The following LBR variants were observed in gnomAD, a reference collection of about 807,000 sequenced individuals.
The protein encoded by LBR is delta(14)-sterol reductase LBR.
Under a neutral mutation model 74.3 loss-of-function variants are expected in LBR, and 28 were observed. That is an observed-to-expected ratio of 0.38 (90% CI 0.28 to 0.52). The LOEUF (loss-of-function observed/expected upper bound fraction) is 0.52. LBR is among the 20% of genes least tolerant of loss of function. LBR has a pLI of 0.89. For synonymous variants in LBR, 228 were observed against 269.3 expected (o/e 0.85, Z 1.50); for missense variants, 717 against 760.3 (o/e 0.94, Z 0.67).
At chr1:225,405,691 T>C (rs1485521219) in intron 11 of LBR, among the ~76,000 whole-genome samples, 2 of 152,094 alleles carry the variant, frequency 1.3e-5, no homozygotes, top group Non-Finnish European at 2.9e-5. Flanking sequence ...CAAATAAATT[T>C]CATGACAAAT....
At chr1:225,415,612 C>T (rs937285380) in intron 6 of LBR, among the ~76,000 whole-genome samples, 6 of 152,208 alleles carry the variant, frequency 3.9e-5, no homozygotes, top group African/African-American at 1.4e-4. Context: ...CCCTGCCACA[C>T]TCCTGTGTAC....
intron 6 of LBR, among the ~76,000 whole-genome samples, chr1:225,416,104 G>C (rs2096116510): frequency 6.6e-6 from 1 of 151,894 alleles, no homozygotes; most frequent in African/African-American, 2.4e-5. Flanking sequence ...AGCTACTCGG[G>C]AGGCTGAAGT....
At chr1:225,408,566 A>G (rs1431770163) in intron 10 of LBR, among the ~76,000 whole-genome samples, 2 of 152,258 alleles carry the variant, frequency 1.3e-5, no homozygotes, top group Non-Finnish European at 2.9e-5. Flanking sequence ...GGTATAGCAC[A>G]TTCTTGAATA....
At position 225,419,463 on chromosome 1, in the gene LBR, A is replaced by G. The variant is rs758617872; in HGVS notation, c.451-11T>C. ...CAAACTGAATTTTTCCTAAATGAAAAATTTAAAAATTAAATATCTGCAGTG... is the reference window on the plus strand; with the variant it reads ...CAAACTGAATTTTTCCTAAATGAAAGATTTAAAAATTAAATATCTGCAGTG... On this transcript the variant is annotated splice_polypyrimidine_tract_variant and intron_variant, in intron 4 of 13. Coordinates refer to ENST00000272163, the MANE Select transcript of LBR (RefSeq NM_002296.4). The G allele has an allele frequency of 1.2e-5, 19 of 1,585,986 alleles. No homozygotes were observed. The South Asian group carries it at 2.0e-4, about 17-fold the overall frequency.
chr1:225,405,768 A>T (rs1575218684), intron 11 of LBR, among the ~76,000 whole-genome samples: 2 of 152,224 alleles, frequency 1.3e-5, no homozygotes, highest in Non-Finnish European at 2.9e-5. Context: ...TTTTTAGCTG[A>T]ACTATAAAAT....
At chr1:225,421,434 AGT>A (rs2096127326) in intron 3 of LBR, among the ~76,000 whole-genome samples, 1 of 152,256 alleles carries the variant, frequency 6.6e-6, no homozygotes, top group South Asian at 2.1e-4. Context: ...CGGAGCTTGC[AGT>A]GAGCTGAGAT....
At chr1:225,404,748 T>C (rs774968348) in intron 11 of LBR, 42 bp from the exon 12 acceptor site, 2 of 1,308,308 alleles carry the variant, frequency 1.5e-6, no homozygotes, top group African/African-American at 1.4e-5. Flanking sequence ...AACTTAGTTA[T>C]ACTCTAATGC....
In LBR at chr1:225,402,884, A is replaced by G. The variant is rs2096084072; in HGVS notation, c.*419T>C. 6.0e-6 allele frequency: 1 copy of G among 167,806 alleles called. No homozygotes were observed. The highest frequency in any genetic ancestry group is 2.4e-5 in the African/African-American group (1 of 41,550). The allele number at this position is 167,806 out of a possible 1,614,324, so 10.4% of individuals were successfully genotyped here. ...AAACAAATGAAAATTCTATTCTCTTACTGAATAAAACATAAATGTACTTTA... is the reference window on the plus strand; with the variant it reads ...AAACAAATGAAAATTCTATTCTCTTGCTGAATAAAACATAAATGTACTTTA... On this transcript the variant is annotated 3_prime_UTR_variant, in exon 14 of 14. Transcript: ENST00000272163.
chr1:225,409,057 A>G (rs2096098731), intron 10 of LBR, among the ~76,000 whole-genome samples: 1 of 152,280 alleles, frequency 6.6e-6, no homozygotes, highest in African/African-American at 2.4e-5. Context: ...ATTCTATAAC[A>G]GCAAACAAAG....
rs144270114 is a variant in LBR, at chr1:225,419,416, C to G, written c.487G>C (p.Ala163Pro). 9 of 1,613,340 alleles carry G rather than the reference C, an allele frequency of 5.6e-6. No individual in the cohort carries two copies. The highest frequency in any genetic ancestry group is 4.0e-5 in the African/African-American group (3 of 74,898). ...CTTGGACGAAGGCTATACTGTGTTG[C>G]TATGTAACTGCTTTCTTGTGACAAA... Reference protein sequence around the residue: ...FSLSQESSYIATQYSLRPRRE... With the variant: ...FSLSQESSYIPTQYSLRPRRE... The change falls in exon 5 of 14, where the codon GCA becomes CCA. Residue 163 changes from alanine to proline, a missense_variant. Coordinates refer to ENST00000272163, the MANE Select transcript of LBR (RefSeq NM_002296.4).
intron 3 of LBR, among the ~76,000 whole-genome samples, chr1:225,420,116 T>C (rs61182137): frequency 0.069 from 10,560 of 152,128 alleles, 443 homozygotes; most frequent in East Asian, 0.11. Context: ...AAGACCAGCC[T>C]GGCCAACATG....
Position 225,422,207 on chromosome 1 carries a change from C to A in LBR, c.236G>T (p.Arg79Leu). Residue 79 changes from arginine to leucine, a missense_variant, in exon 3 of 14, where the codon CGA becomes CTA. Arg to Leu is a moderately radical substitution (Grantham distance 102). Coordinates refer to ENST00000272163, the MANE Select transcript of LBR (RefSeq NM_002296.4). ...AGGGGATCGGGAGCGTGACCTTGAT[C>A]GACTCCCTCGGCGTCTGGAAGGGGA... ...SSSPSRRRGSRSRSRSRSPGR... is the reference protein window; with the variant it reads ...SSSPSRRRGSLSRSRSRSPGR... The A allele has an allele frequency of 6.2e-7, 1 of 1,613,890 alleles. No individual in the cohort carries two copies.
At chr1:225,414,336 G>A in intron 7 of LBR, 1 of 340,226 alleles carries the variant, frequency 2.9e-6, no homozygotes, top group Non-Finnish European at 5.8e-6. Context: ...AGTATCCAAA[G>A]TTAAAAAATG....
chr1:225,417,723 T>C, intron 6 of LBR: 1 of 334,630 alleles, frequency 3.0e-6, no homozygotes, highest in Non-Finnish European at 5.5e-6. Flanking sequence ...GATTTTTTTT[T>C]AAGTTCCTCC....
intron 6 of LBR, 103 bp downstream of exon 6, chr1:225,417,881 G>T: frequency 9.8e-7 from 1 of 1,025,206 alleles, no homozygotes; most frequent in Non-Finnish European, 1.5e-6. Context: ...GACTCAGGAG[G>T]CTGCGGCAAG....
chr1:225,418,871 T>C (rs1000785818), intron 5 of LBR, among the ~76,000 whole-genome samples: 1 of 152,232 alleles, frequency 6.6e-6, no homozygotes, highest in Non-Finnish European at 1.5e-5. Context: ...TGCAGGCAGC[T>C]GAGGCCCACT....
intron 10 of LBR, among the ~76,000 whole-genome samples, chr1:225,409,891 C>T (rs1575221453): frequency 6.6e-6 from 1 of 152,162 alleles, no homozygotes; most frequent in Non-Finnish European, 1.5e-5. Context: ...AAAACATTAA[C>T]AATAAAACAT....
rs1317084127 is a variant in LBR at position 225,403,412 on chromosome 1, A to T, written c.1739T>A (p.Leu580His). ...YFYIIYFTMLLVHREARDEYH... is the reference protein window; with the variant it reads ...YFYIIYFTMLHVHREARDEYH... Reference sequence around the variant, plus strand: ...CTCGTCACGAGCTTCTCGGTGGACAAGCAACATGGTGAAATAAATTATGTA... The same window carrying T: ...CTCGTCACGAGCTTCTCGGTGGACATGCAACATGGTGAAATAAATTATGTA... Residue 580 changes from leucine (L) to histidine (H), a missense_variant, in exon 14 of 14, where the codon CTT becomes CAT. Leu to His is a moderately conservative substitution (Grantham distance 99, BLOSUM62 -3). Transcript: ENST00000272163. 3 of 1,612,162 alleles carry T rather than the reference A, an allele frequency of 1.9e-6. No individual in the cohort carries two copies. The highest frequency in any genetic ancestry group is 2.5e-6 in the Non-Finnish European group (3 of 1,179,128).
At chr1:225,403,964 C>G in intron 13 of LBR, among the ~76,000 whole-genome samples, 1 of 150,188 alleles carries the variant, frequency 6.7e-6, no homozygotes, top group Non-Finnish European at 1.5e-5. Flanking sequence ...CCCCTGACAC[C>G]CCAGCTCCCC....
Sources: gnomAD v4.1 joint callset for allele counts (sites outside exome capture counted in the v4.1 genomes callset) on GRCh38, gnomAD v4.1.1 for gene constraint, MANE v1.5 for transcripts, NCBI Gene and HGNC (gene_info 2026-07-23, HGNC 2026-07-21) for gene names.